Variants in EEPD1 observed in about 807,000 individuals in gnomAD.
The protein encoded by EEPD1 is endonuclease/exonuclease/phosphatase family domain containing 1.
In EEPD1, 17 loss-of-function variants were observed where a neutral mutation model predicts 46.3. The observed-to-expected ratio is 0.37, with a 90% CI of 0.25 to 0.55. The LOEUF is 0.55. Ranked by LOEUF, EEPD1 falls within the 20% of genes least tolerant of loss-of-function variation. The pLI is 0.83. For synonymous variants in EEPD1, 313 were observed against 315.6 expected, an observed-to-expected ratio of 0.99 and a Z score of 0.09; for missense variants, 673 against 745.6, an observed-to-expected ratio of 0.90 and a Z score of 1.13.
Position 36,299,732 on chromosome 7 carries a change from G to A in EEPD1, c.*526G>A, listed in dbSNP as rs1787586851. 6.3e-6 allele frequency: 1 copy of A among 157,692 alleles called. No homozygotes were observed. The highest frequency in any genetic ancestry group is 6.2e-5 in the Admixed American group (1 of 16,194). 9.8% of individuals were successfully genotyped at this position (157,692 alleles called of 1,614,324 possible). A position where few individuals can be genotyped will look rare whatever the true frequency, so the allele number is the denominator to read the frequency against. On this transcript the variant is annotated 3_prime_UTR_variant, in exon 8 of 8. Transcript: ENST00000242108. Reference sequence around the variant, plus strand: ...AATAAACAGATTAACCTGCCTCGCTGCAGTGAGAGCATGGGACAAGTCCGC... The same window carrying A: ...AATAAACAGATTAACCTGCCTCGCTACAGTGAGAGCATGGGACAAGTCCGC...
chr7:36,300,653 C>T lies in EEPD1; in HGVS notation c.*1447C>T, dbSNP rs1187489402. 6.6e-6 allele frequency: 1 copy of T among 152,198 alleles called. No individual in the cohort carries two copies. Among genetic ancestry groups the T allele is most frequent in the Non-Finnish European group, 1.5e-5 (1 of 68,040 alleles). The allele number at this position is 152,198 out of a possible 1,614,324, so 9.4% of individuals were successfully genotyped here. A position where few individuals can be genotyped will look rare whatever the true frequency, so the allele number is the denominator to read the frequency against. ...CCCTCCTGTCCCCACGCAGTGTAAA[C>T]CCAGTGGCTTCTCTGACCTGGAGCT... On this transcript the variant is annotated 3_prime_UTR_variant, in exon 8 of 8. Coordinates refer to ENST00000242108, the MANE Select transcript of EEPD1 (RefSeq NM_030636.3).
At chr7:36,227,609 TG>T (rs1786251431) in intron 2 of EEPD1, among the ~76,000 whole-genome samples, 1 of 152,140 alleles carries the variant, frequency 6.6e-6, no homozygotes, top group Non-Finnish European at 1.5e-5. Flanking sequence ...TAAAATTTGG[TG>T]ATAAAAACAA....
rs1366576236 is a variant in EEPD1 at position 36,177,006 on chromosome 7, TG to T, written c.878+21806del. Among the ~76,000 whole-genome samples the T allele has an allele frequency of 2.0e-5, 3 of 152,144 alleles. No homozygotes were observed. The East Asian group carries it at 5.8e-4, about 29-fold the overall frequency. On this transcript the variant is annotated intron_variant, in intron 2 of 7. Coordinates refer to ENST00000242108, the MANE Select transcript of EEPD1 (RefSeq NM_030636.3). ...TTTTTAGAGACAGAAAGCGGATCTG[TG>T]GTTGGGGCCGGGGCTGGGAATAGGG...
chr7:36,204,652 G>A (rs1193632744), intron 2 of EEPD1, among the ~76,000 whole-genome samples: 3 of 152,284 alleles, frequency 2.0e-5, no homozygotes, highest in East Asian at 1.9e-4. Flanking sequence ...AGTGAAGCCT[G>A]CAGGTACCCT....
intron 2 of EEPD1, among the ~76,000 whole-genome samples, chr7:36,180,344 G>A (rs1393944345): frequency 6.6e-6 from 1 of 152,146 alleles, no homozygotes; most frequent in Admixed American, 6.5e-5. Context: ...CAGAGGGGAT[G>A]AGGCAACAGC....
intron 2 of EEPD1, among the ~76,000 whole-genome samples, chr7:36,198,679 G>T (rs1583803789): frequency 6.6e-6 from 1 of 152,198 alleles, no homozygotes; most frequent in Non-Finnish European, 1.5e-5. Flanking sequence ...TAAATGATTA[G>T]ACATTCTATA....
chr7:36,181,278 C>A (rs1189118858), intron 2 of EEPD1, among the ~76,000 whole-genome samples: 1 of 152,142 alleles, frequency 6.6e-6, no homozygotes, highest in East Asian at 1.9e-4. Flanking sequence ...CCTCTGTTCC[C>A]TTTCACACTC....
intron 2 of EEPD1, among the ~76,000 whole-genome samples, chr7:36,221,825 A>T (rs1363519017): frequency 6.6e-6 from 1 of 152,210 alleles, no homozygotes; most frequent in Non-Finnish European, 1.5e-5. Context: ...ATGATTTTCT[A>T]AATAGCTGCA....
At chr7:36,296,078 T>C (rs188427511) in intron 6 of EEPD1, among the ~76,000 whole-genome samples, 14 of 150,412 alleles carry the variant, frequency 9.3e-5, no homozygotes, top group African/African-American at 3.2e-4. Context: ...TTCAGCATTA[T>C]TTATAGCAGT....
chr7:36,165,845 A>G (rs1784974762), intron 2 of EEPD1, among the ~76,000 whole-genome samples: 1 of 152,150 alleles, frequency 6.6e-6, no homozygotes, highest in African/African-American at 2.4e-5. Flanking sequence ...AAATTGATAC[A>G]TTGTCCAATT....
intron 3 of EEPD1, among the ~76,000 whole-genome samples, chr7:36,271,682 G>C (rs1426510623): frequency 7.0e-6 from 1 of 142,054 alleles, no homozygotes; most frequent in Non-Finnish European, 1.5e-5. Flanking sequence ...TGAAGTCTTT[G>C]CCCATGCCTA....
intron 2 of EEPD1, among the ~76,000 whole-genome samples, chr7:36,209,903 G>A (rs939029993): frequency 6.6e-6 from 1 of 152,116 alleles, no homozygotes. Context: ...TTTGTTGGGG[G>A]GCAAACATCC....
intron 2 of EEPD1, among the ~76,000 whole-genome samples, chr7:36,210,500 A>G (rs1785908007): frequency 6.6e-6 from 1 of 152,136 alleles, no homozygotes. Context: ...TGTTCCCTGC[A>G]TACCTTCCAG....
chr7:36,255,553 T>C (rs553614544), intron 3 of EEPD1, among the ~76,000 whole-genome samples: 2 of 152,214 alleles, frequency 1.3e-5, no homozygotes, highest in Non-Finnish European at 2.9e-5. Context: ...TGGTTTAGTC[T>C]TGGGAGAGTG....
At chr7:36,271,732 T>G (rs1230481947) in intron 3 of EEPD1, among the ~76,000 whole-genome samples, 337 of 143,492 alleles carry the variant, frequency 2.3e-3, no homozygotes, top group Middle Eastern at 3.5e-3. Context: ...TGGTTTTAGG[T>G]TTTACATTTA....
Position 36,180,069 on chromosome 7 carries a change from T to C in EEPD1, c.878+24867T>C, listed in dbSNP as rs113793337. On this transcript the variant is annotated intron_variant, in intron 2 of 7. Coordinates refer to ENST00000242108, the MANE Select transcript of EEPD1 (RefSeq NM_030636.3). ...GCTCCCAGACACCCACCTGAGGGAC[T>C]TGGATACAGCATGCAGGAGCTAGAG... Among the ~76,000 whole-genome samples, 434 of 152,334 alleles carry C rather than the reference T, an allele frequency of 2.8e-3. 1 individual carries two copies. Among genetic ancestry groups the C allele is most frequent in the African/African-American group, 9.7e-3 (403 of 41,570 alleles).
At position 36,276,973 on chromosome 7, in the gene EEPD1, G is replaced by C. The variant is rs1175500540; in HGVS notation, c.931-4142G>C. ...TCTTCCATTTTGACCTTTCTGCCCTGGTGGGCTGCTTTTACGTAAGAGTAT... is the reference window on the plus strand; with the variant it reads ...TCTTCCATTTTGACCTTTCTGCCCTCGTGGGCTGCTTTTACGTAAGAGTAT... On this transcript the variant is annotated intron_variant, in intron 3 of 7. Transcript: ENST00000242108. 2.6e-5 allele frequency among the ~76,000 whole-genome samples: 4 copies of C among 152,216 alleles called. 1 individual carries two copies. Among genetic ancestry groups the C allele is most frequent in the Non-Finnish European group, 1.5e-5 (1 of 68,028 alleles).
At chr7:36,159,373 G>T (rs1784869980) in intron 2 of EEPD1, among the ~76,000 whole-genome samples, 1 of 152,196 alleles carries the variant, frequency 6.6e-6, no homozygotes, top group Admixed American at 6.5e-5. Flanking sequence ...GGAGGTTGAA[G>T]GGTGGGTGGA....
rs1378271134 is a variant in EEPD1 at position 36,299,292 on chromosome 7, C to T, written c.*86C>T. 28 of 1,436,224 alleles carry T rather than the reference C, an allele frequency of 1.9e-5. No homozygotes were observed. Among genetic ancestry groups the T allele is most frequent in the Non-Finnish European group, 2.6e-5 (28 of 1,063,692 alleles). The allele number at this position is 1,436,224 out of a possible 1,614,324, so 89.0% of individuals were successfully genotyped here. A position where few individuals can be genotyped will look rare whatever the true frequency, so the allele number is the denominator to read the frequency against. On this transcript the variant is annotated 3_prime_UTR_variant, in exon 8 of 8. Transcript: ENST00000242108. ...TGTGGGGTGACGCTTCAGGGCAGAG[C>T]TGCCTTTTAATTTTTATTCTCAGAG...
Sources: allele counts gnomAD v4.1 joint callset (sites outside exome capture counted in the v4.1 genomes callset), GRCh38; gene constraint gnomAD v4.1.1; transcripts MANE v1.5; gene names NCBI Gene and HGNC (gene_info 2026-07-23, HGNC 2026-07-21).